The following MTFR1 variants were observed in gnomAD, a reference collection of about 807,000 sequenced individuals.
The protein encoded by MTFR1 is mitochondrial fission regulator 1.
MTFR1 carries 28 observed loss-of-function variants against 38.8 expected under a neutral mutation model. The ratio of observed to expected loss-of-function variants is 0.72; its 90% confidence interval spans 0.53 to 0.99. The LOEUF (loss-of-function observed/expected upper bound fraction) is 0.99, where lower values mean the gene tolerates loss of function less well. Among genes scored for constraint, MTFR1 ranks in the 50% least tolerant of loss-of-function variants. The pLI is 0.00. For missense variants in MTFR1, 358 were observed against 395.5 expected (o/e 0.91, Z 0.81); for synonymous variants, 145 against 137.0 (o/e 1.06, Z -0.41).
intron 3 of MTFR1, among the ~76,000 whole-genome samples, chr8:65,750,247 C>T (rs1042466435): frequency 4.6e-5 from 7 of 151,996 alleles, no homozygotes; most frequent in Admixed American, 3.3e-4. Context: ...GCATTAGAGC[C>T]GACACACTTA....
intron 1 of MTFR1, among the ~76,000 whole-genome samples, chr8:65,661,329 A>C (rs949469457): frequency 2.6e-5 from 4 of 152,198 alleles, no homozygotes; most frequent in African/African-American, 9.6e-5. Flanking sequence ...CTTTCTACTC[A>C]ATTTTGCTGT....
chr8:65,704,982 A>C, intron 5 of MTFR1, 53 bp downstream of exon 5: 1 of 1,405,936 alleles, frequency 7.1e-7, no homozygotes, highest in African/African-American at 1.4e-5. Flanking sequence ...AAGTTAGGAG[A>C]ATGCTACTTA....
intron 3 of MTFR1, among the ~76,000 whole-genome samples, chr8:65,693,181 T>G (rs1392632220): frequency 6.6e-6 from 1 of 152,056 alleles, no homozygotes; most frequent in Non-Finnish European, 1.5e-5. Context: ...GGCAGGCCGA[T>G]CACAAGGTCA....
intron 1 of MTFR1, among the ~76,000 whole-genome samples, chr8:65,664,572 T>C (rs1459263244): frequency 6.6e-6 from 1 of 152,146 alleles, no homozygotes; most frequent in African/African-American, 2.4e-5. Flanking sequence ...CTGTGTAGGT[T>C]ATACCTCAAT....
At position 65,684,060 on chromosome 8, in the gene MTFR1, T is replaced by A. The variant is rs150443539; in HGVS notation, c.165+1609T>A. Among the ~76,000 whole-genome samples, 79 of 152,324 alleles carry A rather than the reference T, an allele frequency of 5.2e-4. 1 individual carries two copies. In the East Asian group the frequency reaches 0.013, roughly 26 times the overall value. On this transcript the variant is annotated intron_variant, in intron 3 of 7. Coordinates refer to ENST00000262146, the MANE Select transcript of MTFR1 (RefSeq NM_014637.4). ...AGTTCCAGGAAAATGTGCTTCAGCG[T>A]TTGCATTCATATAGCTAGAGACGTA...
rs959999036 is a variant in MTFR1, at chr8:65,669,872, G to T, written c.-80-1G>T. ...TTAGTATTTGCATTTTAAATTTTCAGTGTGTTTTATGGACCATGTGCTGCT... is the reference window on the plus strand; with the variant it reads ...TTAGTATTTGCATTTTAAATTTTCATTGTGTTTTATGGACCATGTGCTGCT... On this transcript the variant is annotated splice_acceptor_variant, in intron 1 of 7. Coordinates refer to ENST00000262146, the MANE Select transcript of MTFR1 (RefSeq NM_014637.4). LOFTEE classifies it low-confidence loss of function (5UTR_SPLICE). 23 of 1,070,492 alleles carry T rather than the reference G, an allele frequency of 2.1e-5. No homozygotes were observed. Among genetic ancestry groups the T allele is most frequent in the Non-Finnish European group, 3.1e-5 (22 of 714,494 alleles). 66.3% of individuals were successfully genotyped at this position (1,070,492 alleles called of 1,614,324 possible).
chr8:65,722,128 G>T (rs1282152242), intron 3 of MTFR1: 2 of 152,192 alleles, frequency 1.3e-5, no homozygotes, highest in African/African-American at 4.8e-5. Context: ...TGCATTTGAA[G>T]ATTATTCTAC....
downstream of MTFR1, among the ~76,000 whole-genome samples, chr8:65,772,245 T>C (rs368798153): frequency 1.4e-4 from 22 of 152,310 alleles, no homozygotes; most frequent in South Asian, 4.1e-3. Context: ...TTAATACACA[T>C]ATCCAGAATT....
At chr8:65,724,287 C>G (rs937427180) in intron 3 of MTFR1, 1 of 1,612,436 alleles carries the variant, frequency 6.2e-7, no homozygotes, top group Non-Finnish European at 8.5e-7. Flanking sequence ...TACTTTTTCA[C>G]TCCACTGCTT....
chr8:65,669,363 A>G (rs1033834910), intron 1 of MTFR1, among the ~76,000 whole-genome samples: 1 of 152,178 alleles, frequency 6.6e-6, no homozygotes, highest in East Asian at 1.9e-4. Context: ...TTCTCTGAAG[A>G]TTATTATCCA....
At chr8:65,733,743 T>C (rs1807002193) in intron 3 of MTFR1, among the ~76,000 whole-genome samples, 1 of 152,172 alleles carries the variant, frequency 6.6e-6, no homozygotes, top group Non-Finnish European at 1.5e-5. Context: ...TTAAAAGTCA[T>C]GATATATATA....
At chr8:65,739,931 C>T (rs1436426009) in intron 3 of MTFR1, among the ~76,000 whole-genome samples, 1 of 152,122 alleles carries the variant, frequency 6.6e-6, no homozygotes, top group East Asian at 1.9e-4. Flanking sequence ...TAACCTAACT[C>T]AGTGTGGCTG....
intron 3 of MTFR1, among the ~76,000 whole-genome samples, chr8:65,688,903 G>C (rs182128109): frequency 6.6e-6 from 1 of 152,024 alleles, no homozygotes; most frequent in East Asian, 1.9e-4. Context: ...CCAGCACTTT[G>C]GGAGGCTGAG....
intron 3 of MTFR1, among the ~76,000 whole-genome samples, chr8:65,769,495 T>C (rs577757435): frequency 6.6e-6 from 1 of 152,214 alleles, no homozygotes; most frequent in Non-Finnish European, 1.5e-5. Context: ...CTCTATCTTG[T>C]GTAACCACGA....
intron 1 of MTFR1, among the ~76,000 whole-genome samples, chr8:65,660,849 T>C (rs1386524373): frequency 6.6e-6 from 1 of 152,150 alleles, no homozygotes; most frequent in Non-Finnish European, 1.5e-5. Context: ...AAGGAATAAA[T>C]AAACTGTGGT....
intron 4 of MTFR1, among the ~76,000 whole-genome samples, chr8:65,694,830 G>GTAAATGGA (rs1805386828): frequency 6.6e-6 from 1 of 152,192 alleles, no homozygotes; most frequent in Non-Finnish European, 1.5e-5. Context: ...GTAAATGGAA[G>GTAAATGGA]GCTGGTATTC....
At chr8:65,715,204 T>C (rs183296053), downstream of MTFR1, among the ~76,000 whole-genome samples, 136 of 152,180 alleles carry the variant, frequency 8.9e-4, 1 homozygote, top group Admixed American at 2.9e-3. Context: ...CCTAAAATTT[T>C]TTAGAAAAAA....
exon 3 of MTFR1, chr8:65,719,461 T>A: frequency 1.2e-6 from 2 of 1,614,032 alleles, no homozygotes; most frequent in Non-Finnish European, 1.7e-6. Context: ...TGGCCCATTC[T>A]GTAAATAAAG....
chr8:65,681,426 A>T (rs982267280), intron 2 of MTFR1, among the ~76,000 whole-genome samples: 2 of 152,208 alleles, frequency 1.3e-5, no homozygotes, highest in African/African-American at 4.8e-5. Flanking sequence ...GGCCTTACAT[A>T]ACTGAATGTT....
Sources: allele counts gnomAD v4.1 joint callset (sites outside exome capture counted in the v4.1 genomes callset), GRCh38; gene constraint gnomAD v4.1.1; transcripts MANE v1.5; gene names NCBI Gene and HGNC (gene_info 2026-07-23, HGNC 2026-07-21).